ERAP1: variants seen among roughly 807,000 people sequenced by gnomAD.
ERAP1 encodes the protein adipocyte-derived leucine aminopeptidase.
In ERAP1, 86 loss-of-function variants were observed where a neutral mutation model predicts 103.7. The ratio of observed to expected loss-of-function variants is 0.83; its 90% CI spans 0.70 to 0.99. The LOEUF is 0.99. Among genes scored for constraint, ERAP1 ranks in the 50% least tolerant of loss-of-function variants. ERAP1 has a pLI of 0.00. For missense variants in ERAP1, 1,009 were observed against 1,128.4 expected, an observed-to-expected ratio of 0.89 and a Z score of 1.52; for synonymous variants, 398 against 402.4, an observed-to-expected ratio of 0.99 and a Z score of 0.13.
chr5:96,852,030 C>T, the ERAP1 span, among the ~76,000 whole-genome samples: 3 of 152,164 alleles, frequency 2.0e-5, no homozygotes, highest in Admixed American at 6.5e-5. Context: ...GAGAGAGGGG[C>T]AAATAGCCCC....
chr5:96,800,638 ATGGCAC>A lies in ERAP1; in HGVS notation c.663+218_663+223del, dbSNP rs1777877376. Among the ~76,000 whole-genome samples the A allele has an allele frequency of 2.6e-5, 4 of 152,374 alleles. No homozygotes were observed. In the South Asian group the frequency reaches 8.3e-4, roughly 32 times the overall value. On this transcript the variant is annotated intron_variant, in intron 3 of 18. Transcript: ENST00000443439. ...CTCCTATCAGCATGTATAACCTGGAATGGCACTGTTACTGAAATCTTGCATTTTTAG... is the reference window on the plus strand; with the variant it reads ...CTCCTATCAGCATGTATAACCTGGAATGTTACTGAAATCTTGCATTTTTAG...
chr5:96,788,114 T>C (rs1481799937), intron 11 of ERAP1, among the ~76,000 whole-genome samples: 2 of 152,104 alleles, frequency 1.3e-5, no homozygotes, highest in African/African-American at 2.4e-5. Context: ...ACAAACAGGT[T>C]CCAAATCTAA....
At chr5:96,768,150 C>T (rs1436899541) in intron 19 of ERAP1, 1 of 663,340 alleles carries the variant, frequency 1.5e-6, no homozygotes, top group Non-Finnish European at 2.7e-6. Flanking sequence ...GTGGTGTGAT[C>T]TCAGCTTACT....
chr5:96,844,277 C>T, the ERAP1 span, among the ~76,000 whole-genome samples: 1 of 152,182 alleles, frequency 6.6e-6, no homozygotes, highest in Non-Finnish European at 1.5e-5. Context: ...AGCAATCAAA[C>T]TCTGTCACTT....
chr5:96,793,632 A>G, intron 6 of ERAP1, 119 bp from the exon 7 acceptor site: 1 of 1,105,222 alleles, frequency 9.0e-7, no homozygotes, highest in South Asian at 1.4e-5. Flanking sequence ...ATCAAGGTAA[A>G]AATAAAAAAA....
intron 5 of ERAP1, among the ~76,000 whole-genome samples, chr5:96,794,557 T>G (rs899555972): frequency 6.6e-6 from 1 of 152,130 alleles, no homozygotes; most frequent in Non-Finnish European, 1.5e-5. Context: ...AACTAAACAA[T>G]TATAATAATC....
the ERAP1 span, among the ~76,000 whole-genome samples, chr5:96,921,144 C>G: frequency 6.6e-6 from 1 of 152,212 alleles, no homozygotes; most frequent in Non-Finnish European, 1.5e-5. Flanking sequence ...TGTCATCTGT[C>G]CCCAGCACTC....
the ERAP1 span, among the ~76,000 whole-genome samples, chr5:96,890,871 G>T: frequency 6.6e-6 from 1 of 152,098 alleles, no homozygotes; most frequent in African/African-American, 2.4e-5. Flanking sequence ...GTCAAGGAAA[G>T]ATTAATAACA....
At chr5:96,860,967 T>G in the ERAP1 span, among the ~76,000 whole-genome samples, 55 of 151,932 alleles carry the variant, frequency 3.6e-4, no homozygotes, top group Non-Finnish European at 6.2e-4. Context: ...TTCTTTCTTT[T>G]TTTTTTTTTA....
chr5:96,775,924 A>C lies in ERAP1; in HGVS notation c.*472T>G. 9.9e-7 allele frequency: 1 copy of C among 1,013,760 alleles called. No homozygotes were observed. The highest frequency in any genetic ancestry group is 3.8e-5 in the South Asian group (1 of 26,412). The allele number at this position is 1,013,760 out of a possible 1,614,324, so 62.8% of individuals were successfully genotyped here. Reference sequence around the variant, plus strand: ...AGCCCCTGGGCATGGAGCAAGGAAGAGGGATGGGCAGCGGGTCTGGAGGGG... The same window carrying C: ...AGCCCCTGGGCATGGAGCAAGGAAGCGGGATGGGCAGCGGGTCTGGAGGGG... On this transcript the variant is annotated 3_prime_UTR_variant, in exon 19 of 19. Coordinates refer to ENST00000443439, the MANE Select transcript of ERAP1 (RefSeq NM_001040458.3).
intron 18 of ERAP1, among the ~76,000 whole-genome samples, chr5:96,779,091 C>T (rs1774781085): frequency 6.6e-6 from 1 of 152,160 alleles, no homozygotes; most frequent in Non-Finnish European, 1.5e-5. Flanking sequence ...ACCCTCTATC[C>T]CAATCACTCT....
chr5:96,807,539 G>A (rs1348700788), intron 1 of ERAP1, among the ~76,000 whole-genome samples: 1 of 152,140 alleles, frequency 6.6e-6, no homozygotes, highest in Non-Finnish European at 1.5e-5. Context: ...CCGTGAAGCA[G>A]GCGCACCGGC....
At chr5:96,782,917 G>A in intron 15 of ERAP1, 134 bp downstream of exon 15, 1 of 875,814 alleles carries the variant, frequency 1.1e-6, no homozygotes, top group South Asian at 1.5e-5. Flanking sequence ...ATCTTAAAAA[G>A]CAATTTATTT....
chr5:96,913,380 T>G, the ERAP1 span: 2 of 1,614,128 alleles, frequency 1.2e-6, no homozygotes, highest in South Asian at 2.2e-5. Context: ...CTCTCCTTCA[T>G]GCGATTGCCA....
chr5:96,797,270 G>A lies in ERAP1; in HGVS notation c.703C>T (p.His235Tyr), dbSNP rs756753628. Residue 235 changes from histidine (H) to tyrosine (Y), a missense_variant, in exon 4 of 19, where the codon CAT becomes TAT. His to Tyr is a moderately conservative substitution (Grantham distance 83, BLOSUM62 2). Transcript: ENST00000443439. Reference protein sequence around the residue: ...VTVAEGLIEDHFDVTVKMSTY... With the variant: ...VTVAEGLIEDYFDVTVKMSTY... ...CTCATCTTCACAGTGACATCAAAAT[G>A]GTCTTCTATGAGTCCTTCAGCAACA... 6.2e-7 allele frequency: 1 copy of A among 1,614,042 alleles called. No individual in the cohort carries two copies. Among genetic ancestry groups the A allele is most frequent in the Non-Finnish European group, 8.5e-7 (1 of 1,179,982 alleles).
the ERAP1 span, among the ~76,000 whole-genome samples, chr5:96,855,793 G>T: frequency 6.6e-6 from 1 of 152,052 alleles, no homozygotes; most frequent in African/African-American, 2.4e-5. Flanking sequence ...TCTCCCTGTT[G>T]GTCTTGTAGG....
the ERAP1 span, chr5:96,896,442 T>G: frequency 1.2e-6 from 2 of 1,613,552 alleles, no homozygotes; most frequent in African/African-American, 2.7e-5. Context: ...CCGCCCTATC[T>G]CCAAACCAGC....
chr5:96,822,189 G>C, the ERAP1 span, among the ~76,000 whole-genome samples: 4 of 152,110 alleles, frequency 2.6e-5, no homozygotes, highest in Non-Finnish European at 5.9e-5. Flanking sequence ...TTCTAATCAG[G>C]CTTCAAATAA....
chr5:96,815,352 C>T, the ERAP1 span, among the ~76,000 whole-genome samples: 7 of 151,268 alleles, frequency 4.6e-5, no homozygotes, highest in Non-Finnish European at 7.4e-5. Flanking sequence ...AAATGCACTG[C>T]TAAATAAAAC....
Sources: allele counts gnomAD v4.1 joint callset (sites outside exome capture counted in the v4.1 genomes callset), GRCh38; gene constraint gnomAD v4.1.1; transcripts MANE v1.5; gene names NCBI Gene and HGNC (gene_info 2026-07-23, HGNC 2026-07-21).